Variants in MYO1E observed in about 807,000 individuals in gnomAD.
MYO1E encodes unconventional myosin-Ie.
Under a neutral mutation model 151.1 loss-of-function variants are expected in MYO1E, and 68 were observed. The observed-to-expected ratio is 0.45, with a 90% confidence interval of 0.37 to 0.55. MYO1E has a LOEUF of 0.55. MYO1E is among the 20% of genes least tolerant of loss of function. The pLI is 0.00. For missense variants in MYO1E, 1,363 were observed against 1,389.3 expected, an observed-to-expected ratio of 0.98 and a Z score of 0.30; for synonymous variants, 601 against 501.7, an observed-to-expected ratio of 1.20 and a Z score of -2.64.
intron 14 of MYO1E, chr15:59,208,441 C>T (rs2079854959): frequency 1.7e-6 from 1 of 602,692 alleles, no homozygotes; most frequent in East Asian, 3.0e-5. Context: ...CTGGTTTATA[C>T]CTATGTTCAT....
At chr15:59,371,646 G>A (rs1038215526) in intron 1 of MYO1E, among the ~76,000 whole-genome samples, 1 of 152,170 alleles carries the variant, frequency 6.6e-6, no homozygotes, top group African/African-American at 2.4e-5. Flanking sequence ...AAGTGCCAAA[G>A]GGAAAACAGC....
chr15:59,154,496 C>T (rs975416509), intron 25 of MYO1E, among the ~76,000 whole-genome samples: 5 of 152,222 alleles, frequency 3.3e-5, no homozygotes, highest in African/African-American at 9.6e-5. Flanking sequence ...TTCCATGCTA[C>T]GTATGAAGAG....
In MYO1E at chr15:59,153,834, G is replaced by A. The variant is rs747662046; in HGVS notation, c.2879-43C>T. On this transcript the variant is annotated intron_variant, in intron 25 of 27. Transcript: ENST00000288235. ...GAAGGAAATAAGGCTCAGATTTTTG[G>A]ATCCTTTGCCAAAAGTCTCTCCACA... The A allele has an allele frequency of 1.8e-5, 28 of 1,564,148 alleles. No individual in the cohort carries two copies. The South Asian group carries it at 2.7e-4, about 15-fold the overall frequency.
intron 1 of MYO1E, among the ~76,000 whole-genome samples, chr15:59,339,886 C>T (rs934966122): frequency 2.0e-5 from 3 of 147,040 alleles, no homozygotes; most frequent in South Asian, 2.1e-4. Context: ...CTTGCTCTGT[C>T]GCCTAGCCTG....
chr15:59,296,995 AC>A (rs1567006941), intron 1 of MYO1E, among the ~76,000 whole-genome samples: 1 of 99,954 alleles, frequency 1.0e-5, no homozygotes, highest in Non-Finnish European at 2.2e-5. Flanking sequence ...GCCCGCTACC[AC>A]GCCCGGCTAA....
In MYO1E at chr15:59,311,186, A is replaced by G. The variant is rs140086269; in HGVS notation, c.4-38737T>C. Among the ~76,000 whole-genome samples the G allele has an allele frequency of 7.4e-3, 1,127 of 152,092 alleles. 9 individuals are homozygous for G. Among genetic ancestry groups the G allele is most frequent in the African/African-American group, 0.026 (1,059 of 41,484 alleles). ...CCTTACTCTAGAACAGCAGTCTCCA[A>G]CGTTTTTGACACCAGGGACAGGTTT... On this transcript the variant is annotated intron_variant, in intron 1 of 27. Transcript: ENST00000288235.
At chr15:59,138,506 G>A (rs1238906465) in intron 26 of MYO1E, 139 bp from the exon 27 acceptor site, 3 of 905,184 alleles carry the variant, frequency 3.3e-6, no homozygotes, top group Non-Finnish European at 5.1e-6. Flanking sequence ...GTGGCCCAGG[G>A]TGCAGTCTTT....
chr15:59,189,747 TG>T (rs1322534789), intron 17 of MYO1E, among the ~76,000 whole-genome samples: 25 of 152,298 alleles, frequency 1.6e-4, no homozygotes, highest in African/African-American at 5.8e-4. Flanking sequence ...GGTAATTTTT[TG>T]TCTTTTTTCG....
rs145427071 is a variant in MYO1E, at chr15:59,218,076, G to T, written c.922C>A (p.Pro308Thr). ...AVESEEFLAFPAYLLGINQDR... is the reference protein window; with the variant it reads ...AVESEEFLAFTAYLLGINQDR... ...TGGTTTATCCCTAGCAGATATGCAG[G>T]AAAAGCTAAAACTGTAGAACATAAA... The change falls in exon 10 of 28, where the codon CCT (proline) becomes ACT (threonine). Residue 308 changes from proline (P) to threonine (T), a missense_variant. Physicochemically the swap from Pro to Thr is conservative, Grantham distance 38. Transcript: ENST00000288235. 1.0e-4 allele frequency: 161 copies of T among 1,614,050 alleles called. 1 individual carries two copies. The highest frequency in any genetic ancestry group is 1.3e-4 in the Non-Finnish European group (150 of 1,180,038).
At chr15:59,266,658 C>T (rs1393849737) in intron 2 of MYO1E, 12 of 142,160 alleles carry the variant, frequency 8.4e-5, no homozygotes, top group African/African-American at 3.0e-4. Context: ...TTTTGTTTTG[C>T]TGTTCTTTTT....
intron 4 of MYO1E, among the ~76,000 whole-genome samples, chr15:59,250,068 C>CAG (rs1308710049): frequency 6.6e-6 from 1 of 151,684 alleles, no homozygotes; most frequent in African/African-American, 2.4e-5. Flanking sequence ...TTTCTCAAAG[C>CAG]AGACAAACCA....
intron 26 of MYO1E, among the ~76,000 whole-genome samples, chr15:59,147,050 G>C (rs1363401293): frequency 1.3e-5 from 2 of 152,172 alleles, no homozygotes; most frequent in Non-Finnish European, 2.9e-5. Context: ...TGCTCTGCAA[G>C]AGAAGTCCTA....
At chr15:59,251,578 G>A (rs1283684239) in intron 4 of MYO1E, among the ~76,000 whole-genome samples, 2 of 152,112 alleles carry the variant, frequency 1.3e-5, no homozygotes, top group African/African-American at 4.8e-5. Context: ...AATGGTCTTC[G>A]GATCAGTAAG....
chr15:59,186,581 G>A (rs2079699531), intron 18 of MYO1E, among the ~76,000 whole-genome samples: 1 of 152,112 alleles, frequency 6.6e-6, no homozygotes, highest in Admixed American at 6.6e-5. Context: ...GCGAGACCCT[G>A]TCTCTACGAA....
rs1404548597 is a variant in MYO1E, at chr15:59,159,855, A to G, written c.2785+1218T>C. 6.6e-6 allele frequency among the ~76,000 whole-genome samples: 1 copy of G among 152,044 alleles called. No individual in the cohort carries two copies. Among genetic ancestry groups the G allele is most frequent in the African/African-American group, 2.4e-5 (1 of 41,392 alleles). On this transcript the variant is annotated intron_variant, in intron 24 of 27. Coordinates refer to ENST00000288235, the MANE Select transcript of MYO1E (RefSeq NM_004998.4). This position sits in a 1 kb window ranked among gnomAD's most constrained non-coding sequence, Gnocchi z 4.4. ...TTGAGAAATGGCTAATTAATTAATT[A>G]ATTTTTGAGATGGAGTTTCGCTCTT...
intron 14 of MYO1E, chr15:59,206,843 AG>A: frequency 7.9e-7 from 1 of 1,267,180 alleles, no homozygotes; most frequent in Non-Finnish European, 1.1e-6. Flanking sequence ...CACCTGCCGT[AG>A]AGTGCTGAAG....
rs36088204 is a variant in MYO1E, at chr15:59,308,671, C to CA, written c.4-36223dup. On this transcript the variant is annotated intron_variant, in intron 1 of 27. Coordinates refer to ENST00000288235, the MANE Select transcript of MYO1E (RefSeq NM_004998.4). Reference sequence around the variant, plus strand: ...TGGGTGACAGAGCAAGACACCATCTCAAAAAAAAAAAAAAAAAATTAGCTG... The same window carrying CA: ...TGGGTGACAGAGCAAGACACCATCTCAAAAAAAAAAAAAAAAAAATTAGCTG... Among the ~76,000 whole-genome samples, 278 of 124,488 alleles carry CA rather than the reference C, an allele frequency of 2.2e-3. 1 individual carries two copies. Among genetic ancestry groups the CA allele is most frequent in the Middle Eastern group, 0.017 (4 of 236 alleles). The allele number at this position is 124,488 out of a possible 152,430, so 81.7% of individuals were successfully genotyped here.
chr15:59,327,593 G>A (rs1175295755), intron 1 of MYO1E, among the ~76,000 whole-genome samples: 8 of 152,100 alleles, frequency 5.3e-5, no homozygotes, highest in African/African-American at 1.9e-4. Context: ...GGGATTGCAG[G>A]TATGAGCCAG....
chr15:59,370,961 C>T (rs746723407), intron 1 of MYO1E, among the ~76,000 whole-genome samples: 4 of 152,014 alleles, frequency 2.6e-5, no homozygotes, highest in Non-Finnish European at 5.9e-5. Context: ...AAACACATGC[C>T]CAATGGGAAT....
Sources: allele counts gnomAD v4.1 joint callset (sites outside exome capture counted in the v4.1 genomes callset), GRCh38; gene constraint gnomAD v4.1.1; non-coding constraint Gnocchi (gnomAD v3.1); transcripts MANE v1.5; gene names NCBI Gene and HGNC (gene_info 2026-07-23, HGNC 2026-07-21).